PIEZO1: variants seen among roughly 807,000 people sequenced by gnomAD.
PIEZO1 encodes the protein piezo type mechanosensitive ion channel component 1 (Er blood group).
In PIEZO1, 296 loss-of-function variants were observed where a neutral mutation model predicts 297.2. The observed-to-expected ratio is 1.00, with a 90% CI of 0.91 to 1.10. The LOEUF (loss-of-function observed/expected upper bound fraction) is 1.10. Ranked by LOEUF, PIEZO1 falls within the 50% of genes least tolerant of loss-of-function variation. The probability of loss-of-function intolerance (pLI) is 0.00; values close to 1 mark genes in which losing one functional copy is unlikely to be tolerated. For synonymous variants in PIEZO1, 2,427 were observed against 1,507.5 expected, an observed-to-expected ratio of 1.61 and a Z score of -14.13; for missense variants, 5,018 against 3,455.5, an observed-to-expected ratio of 1.45 and a Z score of -11.34.
intron 1 of PIEZO1, among the ~76,000 whole-genome samples, chr16:88,758,901 G>C (rs1567688250): frequency 6.6e-6 from 1 of 152,370 alleles, no homozygotes; most frequent in East Asian, 1.9e-4. Context: ...AAGCCACAGA[G>C]AGTCAGACGC....
rs367980850 is a variant in PIEZO1 at position 88,721,826 on chromosome 16, C to A, written c.5196G>T (p.Thr1732=). The part of the protein sequence containing the change: ...IPRPSKRFWM[T]AIVFTEIAVV... ...GGCCCACCTCGGTGAAGACGATGGCCGTCATCCAGAAGCGCTTGCTGGGCC... is the reference window on the plus strand; with the variant it reads ...GGCCCACCTCGGTGAAGACGATGGCAGTCATCCAGAAGCGCTTGCTGGGCC... The change falls in exon 37 of 51, where the codon ACG becomes ACT. Residue 1732 remains threonine, a synonymous_variant. Coordinates refer to ENST00000301015, the MANE Select transcript of PIEZO1 (RefSeq NM_001142864.4). The A allele has an allele frequency of 2.1e-5, 32 of 1,547,248 alleles. No homozygotes were observed. The highest frequency in any genetic ancestry group is 3.9e-5 in the Admixed American group (2 of 50,956).
chr16:88,753,270 TCACCCGCCCCCC>T (rs1906491104), intron 1 of PIEZO1, among the ~76,000 whole-genome samples: 2 of 18,466 alleles, frequency 1.1e-4, no homozygotes, highest in Non-Finnish European at 1.8e-4. Flanking sequence ...CCCCCAGAGC[TCACCCGCCCCCC>T]CAGAGCGTAC....
Position 88,741,526 on chromosome 16 carries a change from G to A in PIEZO1, c.417C>T (p.Cys139=), listed in dbSNP as rs1368321177. The A allele has an allele frequency of 1.2e-5, 19 of 1,535,644 alleles. No homozygotes were observed. The highest frequency in any genetic ancestry group is 2.4e-5 in the East Asian group (1 of 40,922). The part of the protein sequence containing the change: ...LVVSSVCLGI[C]GRLARNTRQS... ...GCCGGGTGTTCCTTGCAAGGCGCCC[G>A]CAGATGCCGAGGCAGACAGAGGAGA... Residue 139 remains cysteine, a synonymous_variant, in exon 5 of 51, where the codon TGC becomes TGT. Transcript: ENST00000301015.
chr16:88,759,595 C>T (rs1251041892), intron 1 of PIEZO1, among the ~76,000 whole-genome samples: 2 of 152,234 alleles, frequency 1.3e-5, no homozygotes, highest in African/African-American at 2.4e-5. Flanking sequence ...CTGGCGGCCG[C>T]TGCTCTGCCC....
intron 2 of PIEZO1, 103 bp downstream of exon 2, chr16:88,749,281 A>T: frequency 3.0e-6 from 2 of 676,950 alleles, no homozygotes; most frequent in Non-Finnish European, 4.6e-6. Context: ...CTCATCTTCC[A>T]CCCCGGGCTG....
intron 44 of PIEZO1, chr16:88,717,972 A>G (rs1015278575): frequency 5.9e-6 from 2 of 338,668 alleles, no homozygotes; most frequent in African/African-American, 4.4e-5. Flanking sequence ...AGTCCCAGCT[A>G]CTCGGGAGGC....
chr16:88,728,009 C>G (rs1406896661), intron 22 of PIEZO1, among the ~76,000 whole-genome samples: 1 of 152,192 alleles, frequency 6.6e-6, no homozygotes, highest in African/African-American at 2.4e-5. Context: ...AGAAGCTGCA[C>G]GGACGCCTGC....
At chr16:88,732,929 T>TA (rs1392435717) in intron 19 of PIEZO1, 197 bp from the exon 20 acceptor site, 26 of 613,838 alleles carry the variant, frequency 4.2e-5, no homozygotes, top group Non-Finnish European at 6.6e-5. Context: ...GGGCAGGGGC[T>TA]GGGGGAGTGA....
At chr16:88,731,957 G>GAGGGCGGGGT (rs151293846) in intron 21 of PIEZO1, 47 bp from the exon 22 acceptor site, 27 of 98,622 alleles carry the variant, frequency 2.7e-4, no homozygotes, top group South Asian at 6.2e-4. Flanking sequence ...GAGTCTGGGG[G>GAGGGCGGGGT]GAGGGACTTT....
intron 44 of PIEZO1, chr16:88,718,042 C>A (rs924632264): frequency 3.5e-6 from 1 of 289,268 alleles, no homozygotes; most frequent in Non-Finnish European, 6.7e-6. Context: ...AAGGTCATGC[C>A]ACTGCACTTC....
intron 30 of PIEZO1, 23 bp from the exon 31 acceptor site, chr16:88,723,994 G>GC: frequency 7.1e-7 from 1 of 1,413,732 alleles, no homozygotes; most frequent in African/African-American, 1.4e-5. Context: ...AGCACTGAGA[G>GC]CCAGCCTTCC....
chr16:88,733,301 C>G lies in PIEZO1; in HGVS notation c.2641G>C (p.Glu881Gln), dbSNP rs923513392. 6 of 1,547,654 alleles carry G rather than the reference C, an allele frequency of 3.9e-6. No individual in the cohort carries two copies. In the African/African-American group the frequency reaches 6.8e-5, roughly 18 times the overall value. ...ACCTCGGTGCAGTTGCTGGAATACT[C>G]CTGGGGGTTGACAACCTTGAGCTGG... Reference protein sequence around the residue: ...LYQLKVVNPQEYSSNCTEPFP... With the variant: ...LYQLKVVNPQQYSSNCTEPFP... The change falls in exon 19 of 51, where the codon GAG becomes CAG. Residue 881 changes from glutamate to glutamine, a missense_variant. Coordinates refer to ENST00000301015, the MANE Select transcript of PIEZO1 (RefSeq NM_001142864.4).
rs1016577114 is a variant in PIEZO1 at position 88,723,450 on chromosome 16, C to T, written c.4336-122G>A. On this transcript the variant is annotated intron_variant, in intron 31 of 50. Transcript: ENST00000301015. ...CTGCTCTGTGTCTCCCAGGGACCTCCGTGTCCCTGAGCCCCTCCCGGATGG... is the reference window on the plus strand; with the variant it reads ...CTGCTCTGTGTCTCCCAGGGACCTCTGTGTCCCTGAGCCCCTCCCGGATGG... The T allele has an allele frequency of 3.0e-5, 34 of 1,148,870 alleles. No individual in the cohort carries two copies. The Admixed American group carries it at 3.7e-4, about 12-fold the overall frequency. The allele number at this position is 1,148,870 out of a possible 1,614,324, so 71.2% of individuals were successfully genotyped here. A position where few individuals can be genotyped will look rare whatever the true frequency, so the allele number is the denominator to read the frequency against.
chr16:88,759,437 T>A (rs1413767569), intron 1 of PIEZO1, among the ~76,000 whole-genome samples: 2 of 152,206 alleles, frequency 1.3e-5, no homozygotes, highest in Non-Finnish European at 2.9e-5. Flanking sequence ...GCCCTCCCCC[T>A]GGCCTGCTCC....
rs760099159 is a variant in PIEZO1 at position 88,716,593 on chromosome 16, C to T, written c.6892G>A (p.Asp2298Asn). The change falls in exon 47 of 51, where the codon GAC becomes AAC. Residue 2298 changes from aspartate to asparagine, a missense_variant. Transcript: ENST00000301015. ...TTCCAGGTGAAGCGCAGGGTGATGT[C>T]GGCCGTGCCGTTGTAGAGCTCCCGC... is the stretch of plus-strand genomic sequence containing the variant. ...MKRELYNGTA[D>N]ITLRFTWNFQ... The T allele has an allele frequency of 1.6e-5, 25 of 1,547,710 alleles. No homozygotes were observed. In the Middle Eastern group the frequency reaches 5.0e-4, roughly 31 times the overall value.
At chr16:88,730,019 G>A (rs1001259170) in intron 22 of PIEZO1, among the ~76,000 whole-genome samples, 8 of 152,284 alleles carry the variant, frequency 5.3e-5, no homozygotes, top group African/African-American at 1.7e-4. Context: ...AAGGGGAGCT[G>A]GCCTAGGTGA....
intron 17 of PIEZO1, 25 bp from the exon 18 acceptor site, chr16:88,733,770 G>A (rs753985118): frequency 2.2e-5 from 33 of 1,507,446 alleles, no homozygotes; most frequent in African/African-American, 4.2e-5. Flanking sequence ...GGGTCAGTGC[G>A]GGGCACAAAC....
intron 1 of PIEZO1, among the ~76,000 whole-genome samples, chr16:88,771,134 T>C (rs1461235961): frequency 1.3e-5 from 2 of 152,052 alleles, no homozygotes; most frequent in Non-Finnish European, 2.9e-5. Flanking sequence ...GGCGCTAATC[T>C]CACAGGGAGA....
chr16:88,751,890 G>A (rs111270693), intron 1 of PIEZO1, among the ~76,000 whole-genome samples: 11 of 152,154 alleles, frequency 7.2e-5, no homozygotes, highest in Non-Finnish European at 1.0e-4. Context: ...AGGAGCTCAC[G>A]GTCTGACCTG....
Sources: allele counts gnomAD v4.1 joint callset (sites outside exome capture counted in the v4.1 genomes callset), GRCh38; gene constraint gnomAD v4.1.1; transcripts MANE v1.5; gene names NCBI Gene and HGNC (gene_info 2026-07-23, HGNC 2026-07-21).